ART3: variants seen among roughly 807,000 people sequenced by gnomAD.
ART3 encodes the protein ADP-ribosyltransferase 3 (inactive).
In ART3, 49 loss-of-function variants were observed where a neutral mutation model predicts 48.5. That is an observed-to-expected ratio of 1.01 (90% confidence interval 0.80 to 1.28). ART3 has a LOEUF of 1.28. ART3 is among the 50% of genes most tolerant of loss of function. The probability of loss-of-function intolerance (pLI) is 0.00; values close to 1 mark genes in which losing one functional copy is unlikely to be tolerated. For missense variants in ART3, 438 were observed against 454.3 expected, an observed-to-expected ratio of 0.96 and a Z score of 0.33; for synonymous variants, 145 against 157.2, an observed-to-expected ratio of 0.92 and a Z score of 0.58.
intron 1 of ART3, among the ~76,000 whole-genome samples, chr4:76,025,171 A>C (rs1291846897): frequency 1.4e-5 from 2 of 143,178 alleles, no homozygotes; most frequent in African/African-American, 5.3e-5. Flanking sequence ...CGTTCTGATG[A>C]GGGAAAGTCT....
chr4:76,095,407 C>G (rs1725779835), intron 3 of ART3, among the ~76,000 whole-genome samples: 1 of 152,116 alleles, frequency 6.6e-6, no homozygotes, highest in Non-Finnish European at 1.5e-5. Context: ...ACTTAGGAGG[C>G]TGAGGCAGGA....
At chr4:76,045,281 C>A (rs1420295008) in intron 1 of ART3, among the ~76,000 whole-genome samples, 1 of 152,054 alleles carries the variant, frequency 6.6e-6, no homozygotes, top group Non-Finnish European at 1.5e-5. Context: ...GGTTCCCCAT[C>A]CTCTGGGAGA....
At position 76,022,808 on chromosome 4, in the gene ART3, A is replaced by G. The variant is rs751298966; in HGVS notation, c.-10+11488A>G. 1.0e-5 allele frequency: 16 copies of G among 1,607,994 alleles called. No individual in the cohort carries two copies. Among genetic ancestry groups the G allele is most frequent in the Non-Finnish European group, 1.4e-5 (16 of 1,178,814 alleles). On this transcript the variant is annotated intron_variant, in intron 1 of 9. Coordinates refer to the ART3 transcript ENST00000341029. The stretch of plus-strand genomic sequence containing the variant: ...GCAGGTACAGCGTACAGTTCTAGAG[A>G]GAGGTACTCCTGTAGGAAAAGAGGA...
intron 1 of ART3, among the ~76,000 whole-genome samples, chr4:76,012,487 T>C (rs1405136052): frequency 6.6e-6 from 1 of 152,200 alleles, no homozygotes; most frequent in Admixed American, 6.5e-5. Context: ...AAATACAACA[T>C]GGTGAGTTAC....
chr4:76,016,038 T>C (rs1400261418), intron 1 of ART3, among the ~76,000 whole-genome samples: 2 of 152,248 alleles, frequency 1.3e-5, no homozygotes, highest in African/African-American at 4.8e-5. Context: ...TCTTTGATTT[T>C]GGTATCAGGG....
At chr4:76,051,427 G>C (rs1016937950) in intron 1 of ART3, among the ~76,000 whole-genome samples, 2 of 152,100 alleles carry the variant, frequency 1.3e-5, no homozygotes, top group African/African-American at 4.8e-5. Flanking sequence ...ACTGGGTAAG[G>C]CTCTATTTTT....
intron 11 of ART3, among the ~76,000 whole-genome samples, chr4:76,111,687 C>T (rs1289114101): frequency 2.6e-5 from 4 of 152,066 alleles, no homozygotes; most frequent in East Asian, 1.9e-4. Context: ...GGACTACAGG[C>T]GCCCGCCACC....
chr4:76,027,197 G>A (rs1733468606), intron 1 of ART3, among the ~76,000 whole-genome samples: 1 of 152,132 alleles, frequency 6.6e-6, no homozygotes, highest in Non-Finnish European at 1.5e-5. Context: ...AGGTTGCAGT[G>A]AGCCGAGATC....
chr4:76,083,861 A>C (rs1262429003), intron 3 of ART3, among the ~76,000 whole-genome samples: 20 of 152,180 alleles, frequency 1.3e-4, no homozygotes, highest in Admixed American at 1.3e-3. Flanking sequence ...AGACAAAGGA[A>C]AAGGGAATTA....
Position 76,075,924 on chromosome 4 carries a change from T to C in ART3, c.35T>C (p.Leu12Pro). ...GGACATTTTGAAATAGTCACCATGCTGCTGGCAACCATGATTCTAGTGGAC... is the reference window on the plus strand; with the variant it reads ...GGACATTTTGAAATAGTCACCATGCCGCTGGCAACCATGATTCTAGTGGAC... Reference protein sequence around the residue: ...KTGHFEIVTMLLATMILVDIF... With the variant: ...KTGHFEIVTMPLATMILVDIF... The change falls in exon 2 of 12, where the codon CTG becomes CCG. Residue 12 changes from leucine (L) to proline (P), a missense_variant. This residue lies in a region of ART3 where 206 missense variants were observed against 205.3 expected (regional missense o/e 1.00). Coordinates refer to ENST00000355810, the MANE Select transcript of ART3 (RefSeq NM_001130016.3). The C allele has an allele frequency of 2.5e-6, 4 of 1,613,364 alleles. No individual in the cohort carries two copies. Among genetic ancestry groups the C allele is most frequent in the Non-Finnish European group, 3.4e-6 (4 of 1,179,622 alleles).
intron 11 of ART3, among the ~76,000 whole-genome samples, chr4:76,110,099 GA>G (rs1263757080): frequency 8.0e-6 from 1 of 125,208 alleles, no homozygotes; most frequent in Non-Finnish European, 1.6e-5. Context: ...TGTATGGAGG[GA>G]AAAACATTTA....
intron 1 of ART3, among the ~76,000 whole-genome samples, chr4:76,027,957 C>A (rs1449497542): frequency 6.6e-6 from 1 of 152,166 alleles, no homozygotes; most frequent in Non-Finnish European, 1.5e-5. Context: ...GACAGTGTAT[C>A]CATTTACAAT....
chr4:76,021,371 G>T (rs1236689377), intron 1 of ART3: 2 of 152,932 alleles, frequency 1.3e-5, no homozygotes, highest in Non-Finnish European at 2.9e-5. Context: ...CTTCTACTTT[G>T]TACAGTCTTT....
At chr4:76,035,890 G>T (rs6817952) in intron 1 of ART3, 2 of 1,563,370 alleles carry the variant, frequency 1.3e-6, no homozygotes, top group South Asian at 2.3e-5. Context: ...CATTAGAAAA[G>T]GAACTTATAG....
chr4:76,112,392 G>GTCCAGT lies in ART3; in HGVS notation c.1047_1052dup (p.Val352_Pro353dup). 1 of 1,613,576 alleles carries GTCCAGT rather than the reference G, an allele frequency of 6.2e-7. No homozygotes were observed. Among genetic ancestry groups the GTCCAGT allele is most frequent in the Non-Finnish European group, 8.5e-7 (1 of 1,179,786 alleles). ...TGTGTATTCTTGTTAACAGCTCCAG[G>GTCCAGT]TCCAGTTCCTGTTCCAGGTCCCAAA... On this transcript the variant is annotated inframe_insertion, in exon 12 of 12. Transcript: ENST00000355810.
intron 1 of ART3, among the ~76,000 whole-genome samples, chr4:76,037,742 CAAT>C (rs1364156003): frequency 2.0e-5 from 3 of 152,134 alleles, no homozygotes; most frequent in Non-Finnish European, 4.4e-5. Context: ...CATCAACCAT[CAAT>C]AATATTTTTT....
intron 4 of ART3, among the ~76,000 whole-genome samples, chr4:76,098,467 T>C (rs1726516721): frequency 6.6e-6 from 1 of 152,226 alleles, no homozygotes; most frequent in South Asian, 2.1e-4. Flanking sequence ...GCTGTTTTTC[T>C]GGCTAGCTTT....
intron 3 of ART3, among the ~76,000 whole-genome samples, chr4:76,086,596 A>G (rs1489084770): frequency 6.6e-6 from 1 of 152,230 alleles, no homozygotes; most frequent in Non-Finnish European, 1.5e-5. Flanking sequence ...TAAGGATTTT[A>G]GCTCTCTTGC....
At chr4:76,018,954 T>C (rs1393345646) in intron 1 of ART3, among the ~76,000 whole-genome samples, 2 of 151,200 alleles carry the variant, frequency 1.3e-5, no homozygotes, top group Admixed American at 1.3e-4. Context: ...GGTGGGAGGA[T>C]TGCTTGAGCC....
Sources: gnomAD v4.1 joint callset for allele counts (sites outside exome capture counted in the v4.1 genomes callset) on GRCh38, gnomAD v4.1.1 for gene constraint, gnomAD v4.1.1 regional missense constraint, MANE v1.5 for transcripts, NCBI Gene and HGNC (gene_info 2026-07-23, HGNC 2026-07-21) for gene names.